Variants in NUP58 observed in about 807,000 individuals in gnomAD.
NUP58 encodes the protein nucleoporin 58.
Under a neutral mutation model 70.1 loss-of-function variants are expected in NUP58, and 17 were observed. That is an observed-to-expected ratio of 0.24 (90% CI 0.17 to 0.36). The LOEUF (loss-of-function observed/expected upper bound fraction) is 0.36, where lower values mean the gene tolerates loss of function less well. Ranked by LOEUF, NUP58 falls within the 10% of genes least tolerant of loss-of-function variation. The probability of loss-of-function intolerance (pLI) is 1.00; values close to 1 mark genes in which losing one functional copy is unlikely to be tolerated. For synonymous variants in NUP58, 275 were observed against 257.6 expected (o/e 1.07, Z -0.65); for missense variants, 644 against 701.5 (o/e 0.92, Z 0.93).
At chr13:25,320,818 T>G in intron 8 of NUP58, 101 bp from the exon 9 acceptor site, 1 of 842,788 alleles carries the variant, frequency 1.2e-6, no homozygotes, top group South Asian at 2.2e-5. Context: ...AATTTTTAGT[T>G]TTGTATTTTA....
chr13:25,334,826 A>G, intron 13 of NUP58: 1 of 984,464 alleles, frequency 1.0e-6, no homozygotes, highest in Non-Finnish European at 1.2e-6. Context: ...ATTATATGGT[A>G]ACTTTTGTAA....
At position 25,331,469 on chromosome 13, in the gene NUP58, C is replaced by G. The variant is rs143240945; in HGVS notation, c.1346C>G (p.Thr449Ser). The change falls in exon 13 of 16, where the codon ACT becomes AGT. Residue 449 changes from threonine to serine, a missense_variant. Physicochemically the swap from Thr to Ser is moderately conservative, Grantham distance 58. Coordinates refer to ENST00000381736, the MANE Select transcript of NUP58 (RefSeq NM_014089.4). Reference sequence around the variant, plus strand: ...AAGTGGCAGAACACACCCAGAGTTACTACTGGACCCACTCCTTTCAGCACC... The same window carrying G: ...AAGTGGCAGAACACACCCAGAGTTAGTACTGGACCCACTCCTTTCAGCACC... Reference protein sequence around the residue: ...AKKWQNTPRVTTGPTPFSTMP... With the variant: ...AKKWQNTPRVSTGPTPFSTMP... 5 of 1,614,072 alleles carry G rather than the reference C, an allele frequency of 3.1e-6. No homozygotes were observed. The highest frequency in any genetic ancestry group is 4.2e-6 in the Non-Finnish European group (5 of 1,180,038).
intron 1 of NUP58, among the ~76,000 whole-genome samples, chr13:25,302,689 A>G (rs1220168334): frequency 1.3e-5 from 2 of 152,168 alleles, no homozygotes; most frequent in African/African-American, 4.8e-5. Flanking sequence ...AAAGTTAAGG[A>G]GTGTGCACAC....
At position 25,322,029 on chromosome 13, in the gene NUP58, G is replaced by A. The variant is rs60950839; in HGVS notation, c.951+936G>A. On this transcript the variant is annotated intron_variant, in intron 9 of 15. Transcript: ENST00000381736. Reference sequence around the variant, plus strand: ...ATACAATACATATTAAATATATGTCGTTCTTTTCTACCTCAGTGGGAAAGG... The same window carrying A: ...ATACAATACATATTAAATATATGTCATTCTTTTCTACCTCAGTGGGAAAGG... Among the ~76,000 whole-genome samples, 752 of 152,194 alleles carry A rather than the reference G, an allele frequency of 4.9e-3. 4 individuals are homozygous for A. The highest frequency in any genetic ancestry group is 0.017 in the African/African-American group (704 of 41,506).
At chr13:25,330,483 C>T (rs1312675502) in intron 12 of NUP58, among the ~76,000 whole-genome samples, 1 of 152,042 alleles carries the variant, frequency 6.6e-6, no homozygotes, top group Non-Finnish European at 1.5e-5. Flanking sequence ...ATAATCAGAA[C>T]CTAATGTTTA....
At chr13:25,347,708 A>G (rs1235939014) in intron 3 of NUP58, among the ~76,000 whole-genome samples, 1 of 152,230 alleles carries the variant, frequency 6.6e-6, no homozygotes, top group Non-Finnish European at 1.5e-5. Context: ...TACTCCATAT[A>G]CAGCTAACAG....
intron 5 of NUP58, 107 bp from the exon 6 acceptor site, chr13:25,315,250 T>G: frequency 2.5e-6 from 2 of 800,856 alleles, no homozygotes; most frequent in East Asian, 2.5e-5. Context: ...AAATCAAATA[T>G]GAAGAAAATC....
At chr13:25,333,083 GA>G in intron 13 of NUP58, 1 of 985,258 alleles carries the variant, frequency 1.0e-6, no homozygotes, top group Non-Finnish European at 1.2e-6. Flanking sequence ...TATATTCTAT[GA>G]TAAATACCTA....
At chr13:25,334,929 T>G in intron 13 of NUP58, 1 of 985,094 alleles carries the variant, frequency 1.0e-6, no homozygotes, top group South Asian at 4.7e-5. Context: ...AACCTCTCAT[T>G]GGATGACTAT....
At position 25,340,041 on chromosome 13, in the gene NUP58, G is replaced by C. The variant is rs1172650366; in HGVS notation, c.1707G>C (p.Gly569=). 5 of 1,613,716 alleles carry C rather than the reference G, an allele frequency of 3.1e-6. No homozygotes were observed. Among genetic ancestry groups the C allele is most frequent in the Non-Finnish European group, 4.2e-6 (5 of 1,179,912 alleles). The change falls in exon 16 of 16, where the codon GGG becomes GGC. Residue 569 remains glycine (G), a synonymous_variant. Coordinates refer to ENST00000381736, the MANE Select transcript of NUP58 (RefSeq NM_014089.4). The part of the protein sequence containing the change: ...GITASAGLTF[G]VSNPASAGFG... ...CGGCATCAGCTGGTTTGACTTTTGG[G>C]GTGTCCAATCCTGCCTCTGCAGGTT...
At chr13:25,334,990 G>T in intron 13 of NUP58, 1 of 985,192 alleles carries the variant, frequency 1.0e-6, no homozygotes, top group Non-Finnish European at 1.2e-6. Flanking sequence ...TTTGCCTGAA[G>T]GATTTAGACT....
At chr13:25,326,361 ACT>A (rs2031395007) in intron 10 of NUP58, among the ~76,000 whole-genome samples, 1 of 148,590 alleles carries the variant, frequency 6.7e-6, no homozygotes, top group African/African-American at 2.5e-5. Context: ...TCTGTCTAGC[ACT>A]CTCTGTGGGT....
intron 3 of NUP58, 70 bp downstream of exon 3, chr13:25,309,352 C>T (rs2030539852): frequency 8.7e-7 from 1 of 1,143,466 alleles, no homozygotes; most frequent in African/African-American, 1.6e-5. Flanking sequence ...AGTGATCTTT[C>T]TACTCTTCTC....
chr13:25,301,651 T>C lies in NUP58; in HGVS notation c.-123T>C, dbSNP rs1480085315. 1.2e-5 allele frequency: 6 copies of C among 494,770 alleles called. No homozygotes were observed. Among genetic ancestry groups the C allele is most frequent in the African/African-American group, 4.0e-5 (2 of 49,806 alleles). 30.6% of individuals were successfully genotyped at this position (494,770 alleles called of 1,614,324 possible). ...GCCTTGCCTTCGCCGCCGTTGGGGCTGGAAGTTCCCGCCAGGTCCGTGCCG... is the reference window on the plus strand; with the variant it reads ...GCCTTGCCTTCGCCGCCGTTGGGGCCGGAAGTTCCCGCCAGGTCCGTGCCG... On this transcript the variant is annotated 5_prime_UTR_variant, in exon 1 of 16. Coordinates refer to ENST00000381736, the MANE Select transcript of NUP58 (RefSeq NM_014089.4).
At chr13:25,307,053 A>G (rs2030400300) in intron 1 of NUP58, among the ~76,000 whole-genome samples, 1 of 152,140 alleles carries the variant, frequency 6.6e-6, no homozygotes, top group Non-Finnish European at 1.5e-5. Context: ...ATGGAAAGCT[A>G]GTGAAGATAA....
chr13:25,326,612 A>G (rs1336348292), intron 10 of NUP58, among the ~76,000 whole-genome samples: 1 of 152,164 alleles, frequency 6.6e-6, no homozygotes, highest in East Asian at 1.9e-4. Flanking sequence ...TTATAACTAT[A>G]GTATAATTAC....
intron 14 of NUP58, 42 bp downstream of exon 14, chr13:25,337,076 A>G: frequency 7.3e-7 from 1 of 1,378,022 alleles, no homozygotes; most frequent in Non-Finnish European, 1.0e-6. Flanking sequence ...ACTATTATAT[A>G]TTTGAATTGA....
chr13:25,345,066 A>G (rs1027895617), downstream of NUP58, among the ~76,000 whole-genome samples: 10 of 152,142 alleles, frequency 6.6e-5, no homozygotes, highest in Admixed American at 2.6e-4. Flanking sequence ...TCACATCCCC[A>G]TTTATTGGGT....
In NUP58 at chr13:25,307,788, T is replaced by A. The variant is rs767315497; in HGVS notation, c.108-18T>A. 40 of 1,612,818 alleles carry A rather than the reference T, an allele frequency of 2.5e-5. No individual in the cohort carries two copies. The South Asian group carries it at 4.4e-4, about 18-fold the overall frequency. ...TTGTGCATGTGATTTTTGTTTTGTT[T>A]TTGTTTCTTTAAATAAGCAACCCTT... On this transcript the variant is annotated intron_variant, in intron 1 of 15. Transcript: ENST00000381736.
Sources: gnomAD v4.1 joint callset for allele counts (sites outside exome capture counted in the v4.1 genomes callset) on GRCh38, gnomAD v4.1.1 for gene constraint, MANE v1.5 for transcripts, NCBI Gene and HGNC (gene_info 2026-07-23, HGNC 2026-07-21) for gene names.